PLXNA1: variants seen among roughly 807,000 people sequenced by gnomAD.
PLXNA1 encodes the protein plexin-A1.
A neutral mutation model predicts 191.7 loss-of-function variants in PLXNA1; 77 were observed. The ratio of observed to expected loss-of-function variants is 0.40; its 90% CI spans 0.33 to 0.49. PLXNA1 has a LOEUF of 0.49. Ranked by LOEUF, PLXNA1 falls within the 20% of genes least tolerant of loss-of-function variation. The pLI, the probability that PLXNA1 is intolerant of heterozygous loss-of-function variation, is 0.63. For synonymous variants in PLXNA1, 1,137 were observed against 1,156.4 expected (o/e 0.98, Z 0.34); for missense variants, 2,110 against 2,660.2 (o/e 0.79, Z 4.55).
At chr3:126,983,818 C>T (rs1559950858) in intron 1 of PLXNA1, among the ~76,000 whole-genome samples, 1 of 151,992 alleles carries the variant, frequency 6.6e-6, no homozygotes, top group Non-Finnish European at 1.5e-5. Context: ...GGATAGGGAT[C>T]GGAGCCTCCC....
rs753430457 is a variant in PLXNA1, at chr3:127,014,548, G to A, written c.2675G>A (p.Arg892Gln). The A allele has an allele frequency of 8.4e-5, 136 of 1,611,852 alleles. No individual in the cohort carries two copies. The highest frequency in any genetic ancestry group is 1.1e-4 in the Non-Finnish European group (125 of 1,179,872). ...LTITGENLGL[R>Q]FEDVRLGVRV... Reference sequence around the variant, plus strand: ...ATCACAGGCGAGAACCTGGGCCTGCGATTCGAAGACGTGCGTCTGGGCGTG... The same window carrying A: ...ATCACAGGCGAGAACCTGGGCCTGCAATTCGAAGACGTGCGTCTGGGCGTG... Residue 892 changes from arginine (R) to glutamine (Q), a missense_variant, in exon 13 of 32, where the codon CGA becomes CAA. This residue lies in a region of PLXNA1 where 644 missense variants were observed against 714.3 expected (regional missense o/e 0.90). Transcript: ENST00000393409.
At chr3:127,026,825 C>T (rs570033642) in intron 23 of PLXNA1, 1 of 151,626 alleles carries the variant, frequency 6.6e-6, no homozygotes, top group East Asian at 1.9e-4. Flanking sequence ...GCAGGCAGGA[C>T]CTACAGTGGA....
chr3:126,983,555 C>T (rs1470965910), intron 1 of PLXNA1, among the ~76,000 whole-genome samples: 1 of 146,450 alleles, frequency 6.8e-6, no homozygotes, highest in African/African-American at 2.5e-5. Context: ...GCGGAGAGAC[C>T]GCACCCCCGT....
chr3:126,986,062 C>T (rs1004677978), intron 1 of PLXNA1, among the ~76,000 whole-genome samples: 6 of 152,144 alleles, frequency 3.9e-5, no homozygotes, highest in Non-Finnish European at 5.9e-5. Context: ...TAGCCTGGTC[C>T]CTCCTGTTGA....
Position 127,014,384 on chromosome 3 carries a change from C to T in PLXNA1, c.2604+9C>T, listed in dbSNP as rs1198656927. The T allele has an allele frequency of 1.9e-6, 3 of 1,581,036 alleles. No homozygotes were observed. The highest frequency in any genetic ancestry group is 2.6e-6 in the Non-Finnish European group (3 of 1,170,432). On this transcript the variant is annotated intron_variant, in intron 12 of 31. Coordinates refer to ENST00000393409, the MANE Select transcript of PLXNA1 (RefSeq NM_032242.4). ...ACCCCAAGATCCTCAAGGTAGGGCC[C>T]CCAGCCCTGCCCCCACACCCCATGC...
chr3:126,984,425 G>A (rs2078947328), intron 1 of PLXNA1, among the ~76,000 whole-genome samples: 1 of 152,204 alleles, frequency 6.6e-6, no homozygotes. Flanking sequence ...GGGATGGGGC[G>A]CAGTTTCTGC....
In PLXNA1 at chr3:127,005,171, G is replaced by C. The variant is rs143376196; in HGVS notation, c.1825G>C (p.Val609Leu). 1.2e-6 allele frequency: 2 copies of C among 1,612,496 alleles called. No individual in the cohort carries two copies. The highest frequency in any genetic ancestry group is 1.7e-6 in the Non-Finnish European group (2 of 1,179,918). ...SFEDFTESES[V>L]LEDGRIHCRS... ...CGAGGACTTCACGGAATCTGAGAGC[G>C]TCCTGGAGGATGGCCGGATCCACTG... is the stretch of plus-strand genomic sequence containing the variant. Residue 609 changes from valine (V) to leucine (L), a missense_variant, in exon 7 of 32, where the codon GTC becomes CTC. Coordinates refer to ENST00000393409, the MANE Select transcript of PLXNA1 (RefSeq NM_032242.4).
chr3:126,996,642 A>G (rs746236487), intron 3 of PLXNA1, among the ~76,000 whole-genome samples: 52 of 152,194 alleles, frequency 3.4e-4, no homozygotes, highest in Non-Finnish European at 6.0e-4. Flanking sequence ...AGGGAGGTGC[A>G]GGGCAGGACT....
chr3:126,993,285 C>T (rs1260573279), intron 3 of PLXNA1, among the ~76,000 whole-genome samples: 1 of 152,206 alleles, frequency 6.6e-6, no homozygotes, highest in African/African-American at 2.4e-5. Context: ...TGAGATTCTA[C>T]CAACTCTTCC....
intron 19 of PLXNA1, 62 bp from the exon 20 acceptor site, chr3:127,018,232 A>C (rs758871915): frequency 1.4e-6 from 2 of 1,428,356 alleles, no homozygotes; most frequent in Non-Finnish European, 1.9e-6. Flanking sequence ...GCCCATCGGG[A>C]GGGGCTCCCA....
At chr3:127,004,828 G>T in intron 5 of PLXNA1, 57 bp from the exon 6 acceptor site, 1 of 1,570,206 alleles carries the variant, frequency 6.4e-7, no homozygotes, top group Admixed American at 1.8e-5. Context: ...GGTCCCGCCT[G>T]GCAGGCGGGC....
intron 3 of PLXNA1, among the ~76,000 whole-genome samples, chr3:126,994,234 C>T (rs1462153130): frequency 6.6e-6 from 1 of 152,138 alleles, no homozygotes; most frequent in Non-Finnish European, 1.5e-5. Flanking sequence ...GCCTTGAGAG[C>T]TAGGCCCCTT....
rs138563178 is a variant in PLXNA1 at position 127,007,869 on chromosome 3, G to A, written c.2068G>A (p.Val690Met). ...CKYRHVCTHN[V>M]ADCAFLEGRV... ...ATACCGCCACGTGTGCACACACAAC[G>A]TGGCTGACTGCGCCTTCCTGGAGGG... Residue 690 changes from valine (V) to methionine (M), a missense_variant, in exon 9 of 32, where the codon GTG becomes ATG. Coordinates refer to ENST00000393409, the MANE Select transcript of PLXNA1 (RefSeq NM_032242.4). 5.1e-5 allele frequency: 82 copies of A among 1,612,370 alleles called. No homozygotes were observed. The highest frequency in any genetic ancestry group is 6.3e-5 in the Non-Finnish European group (74 of 1,179,268).
rs551868236 is a variant in PLXNA1, at chr3:127,006,218, C to T, written c.1997+40C>T. On this transcript the variant is annotated intron_variant, in intron 8 of 31. Coordinates refer to ENST00000393409, the MANE Select transcript of PLXNA1 (RefSeq NM_032242.4). ...GCCCCTCCGCCCGCCTGGGCCTGGG[C>T]TACTTGCCCCACTCCCGTCCCTGTG... 14 of 1,486,832 alleles carry T rather than the reference C, an allele frequency of 9.4e-6. No homozygotes were observed. The Admixed American group carries it at 1.3e-4, about 14-fold the overall frequency. The allele number at this position is 1,486,832 out of a possible 1,614,324, so 92.1% of individuals were successfully genotyped here. A position where few individuals can be genotyped will look rare whatever the true frequency, so the allele number is the denominator to read the frequency against.
In PLXNA1 at chr3:127,029,854, C is replaced by A; in HGVS notation, c.4871-20C>A. 1 of 1,583,158 alleles carries A rather than the reference C, an allele frequency of 6.3e-7. No individual in the cohort carries two copies. Among genetic ancestry groups the A allele is most frequent in the South Asian group, 1.1e-5 (1 of 89,618 alleles). On this transcript the variant is annotated intron_variant, in intron 27 of 31. Transcript: ENST00000393409. ...TGCGGGGTGCCAGCCAACGCGGGCG[C>A]TGACAGCCTGGTGCTGCAGAGAGCA...
In PLXNA1 at chr3:126,991,528, G is replaced by C; in HGVS notation, c.1339G>C (p.Val447Leu). ...VAAYDYRGRTVVFAGTRSGRI... is the reference protein window; with the variant it reads ...VAAYDYRGRTLVFAGTRSGRI... Reference sequence around the variant, plus strand: ...TGCCTATGACTATCGGGGCCGCACTGTGGTATTCGCCGGCACGCGAAGTGG... The same window carrying C: ...TGCCTATGACTATCGGGGCCGCACTCTGGTATTCGCCGGCACGCGAAGTGG... The change falls in exon 3 of 32, where the codon GTG (valine) becomes CTG (leucine). Residue 447 changes from valine to leucine, a missense_variant. Val to Leu is a conservative substitution (Grantham distance 32). This residue lies in a region of PLXNA1 where 903 missense variants were observed against 1,015.7 expected (regional missense o/e 0.89). Coordinates refer to ENST00000393409, the MANE Select transcript of PLXNA1 (RefSeq NM_032242.4). 6.2e-7 allele frequency: 1 copy of C among 1,604,846 alleles called. No homozygotes were observed. The highest frequency in any genetic ancestry group is 2.2e-5 in the East Asian group (1 of 44,494).
intron 21 of PLXNA1, 136 bp downstream of exon 21, chr3:127,020,480 C>G: frequency 9.0e-7 from 1 of 1,113,308 alleles, no homozygotes; most frequent in Non-Finnish European, 1.3e-6. Context: ...CTGCAGGGCT[C>G]TGGGCTCAGC....
At position 126,989,311 on chromosome 3, in the gene PLXNA1, C is replaced by G; in HGVS notation, c.718C>G (p.Pro240Ala). The G allele has an allele frequency of 6.2e-7, 1 of 1,613,696 alleles. No homozygotes were observed. The highest frequency in any genetic ancestry group is 8.5e-7 in the Non-Finnish European group (1 of 1,180,044). The part of the protein sequence containing the change: ...KIPSDTLSKF[P>A]AFDIYYVYSF... The stretch of plus-strand genomic sequence containing the variant: ...CCCTTCGGACACGCTGTCCAAGTTC[C>G]CGGCCTTTGACATCTACTATGTGTA... Residue 240 changes from proline to alanine, a missense_variant, in exon 2 of 32, where the codon CCG (proline) becomes GCG (alanine). By Grantham distance (27) the Pro-to-Ala change is conservative. This residue lies in a region of PLXNA1 where 903 missense variants were observed against 1,015.7 expected (regional missense o/e 0.89). Coordinates refer to ENST00000393409, the MANE Select transcript of PLXNA1 (RefSeq NM_032242.4).
In PLXNA1 at chr3:126,995,497, C is replaced by T. The variant is rs917748876; in HGVS notation, c.1377+3931C>T. Among the ~76,000 whole-genome samples the T allele has an allele frequency of 4.6e-5, 7 of 152,382 alleles. No homozygotes were observed. The East Asian group carries it at 1.3e-3, about 29-fold the overall frequency. ...CTTGCCCTGTGGGCCGGCTGACGGG[C>T]ACCCGAGGCCAGCCCTGCTCTGGTC... On this transcript the variant is annotated intron_variant, in intron 3 of 31. Transcript: ENST00000393409.
Sources: allele counts gnomAD v4.1 joint callset (sites outside exome capture counted in the v4.1 genomes callset), GRCh38; gene constraint gnomAD v4.1.1; regional missense constraint gnomAD v4.1.1; transcripts MANE v1.5; gene names NCBI Gene and HGNC (gene_info 2026-07-23, HGNC 2026-07-21).